Variants in KLRD1 observed in about 807,000 individuals in gnomAD.
KLRD1 encodes killer cell lectin like receptor D1.
KLRD1 carries 21 observed loss-of-function variants against 22.6 expected under a neutral mutation model. The observed-to-expected ratio is 0.93, with a 90% CI of 0.66 to 1.34. The LOEUF is 1.34. Ranked by LOEUF, KLRD1 falls within the 40% of genes most tolerant of loss-of-function variation. The probability of loss-of-function intolerance (pLI) is 0.00; values close to 1 mark genes in which losing one functional copy is unlikely to be tolerated. For synonymous variants in KLRD1, 59 were observed against 71.1 expected, an observed-to-expected ratio of 0.83 and a Z score of 0.85; for missense variants, 183 against 208.6, an observed-to-expected ratio of 0.88 and a Z score of 0.76.
At chr12:10,257,610 A>G (rs567866073) in intron 1 of KLRD1, among the ~76,000 whole-genome samples, 1 of 145,578 alleles carries the variant, frequency 6.9e-6, no homozygotes, top group African/African-American at 2.5e-5. Context: ...ATTTTGTTCT[A>G]TGTATCACCC....
chr12:10,278,143 T>C (rs1949608383), intron 1 of KLRD1, among the ~76,000 whole-genome samples: 1 of 152,192 alleles, frequency 6.6e-6, no homozygotes, highest in Non-Finnish European at 1.5e-5. Flanking sequence ...TTGCACAGGG[T>C]ATTGCCCCTA....
chr12:10,242,549 A>T (rs1949251410), intron 1 of KLRD1, among the ~76,000 whole-genome samples: 1 of 152,214 alleles, frequency 6.6e-6, no homozygotes, highest in Non-Finnish European at 1.5e-5. Context: ...GTTTGGATGT[A>T]TACCCAGAAG....
chr12:10,285,351 T>C (rs781536300), intron 1 of KLRD1, among the ~76,000 whole-genome samples: 1 of 152,244 alleles, frequency 6.6e-6, no homozygotes, highest in Non-Finnish European at 1.5e-5. Context: ...AAGTCACGTT[T>C]ATTCTAGAAA....
intron 1 of KLRD1, among the ~76,000 whole-genome samples, chr12:10,250,230 G>T (rs7972782): frequency 5.9e-5 from 6 of 102,032 alleles, no homozygotes; most frequent in South Asian, 2.9e-4. Context: ...TTTTTTTTAG[G>T]GGGGCTGTTA....
intron 1 of KLRD1, among the ~76,000 whole-genome samples, chr12:10,292,216 T>C (rs1189622740): frequency 6.6e-6 from 1 of 152,202 alleles, no homozygotes; most frequent in African/African-American, 2.4e-5. Flanking sequence ...TGGAATCAAC[T>C]TCTTCTAAAC....
upstream of KLRD1, among the ~76,000 whole-genome samples, chr12:10,302,362 A>T (rs747183711): frequency 3.5e-4 from 53 of 152,336 alleles, no homozygotes; most frequent in Middle Eastern, 3.4e-3. Flanking sequence ...AATTCAGGAT[A>T]TTGATGCAGG....
Position 10,286,662 on chromosome 12 carries a change from C to CTTTTTTTT in KLRD1, c.-100-21296_-100-21289dup, listed in dbSNP as rs747241701. On this transcript the variant is annotated intron_variant, in intron 1 of 5. Coordinates refer to the KLRD1 transcript ENST00000544747. Reference sequence around the variant, plus strand: ...TCATCATTTTATTTCGCTTATGGTGCTTTTTTTTTTTTTTTTTTTTTTTTT... The same window carrying CTTTTTTTT: ...TCATCATTTTATTTCGCTTATGGTGCTTTTTTTTTTTTTTTTTTTTTTTTTTTTTTTTT... 6.6e-4 allele frequency among the ~76,000 whole-genome samples: 36 copies of CTTTTTTTT among 54,808 alleles called. 8 individuals carry two copies. Among genetic ancestry groups the CTTTTTTTT allele is most frequent in the African/African-American group, 2.3e-3 (30 of 12,944 alleles). 36.0% of individuals were successfully genotyped at this position (54,808 alleles called of 152,430 possible).
intron 1 of KLRD1, among the ~76,000 whole-genome samples, chr12:10,284,151 A>G (rs1237520914): frequency 6.6e-6 from 1 of 152,050 alleles, no homozygotes; most frequent in African/African-American, 2.4e-5. Context: ...GCACCAGTGC[A>G]CTCCAGCCTG....
chr12:10,239,687 G>A (rs1949223721), intron 1 of KLRD1, among the ~76,000 whole-genome samples: 1 of 150,802 alleles, frequency 6.6e-6, no homozygotes, highest in South Asian at 2.1e-4. Flanking sequence ...TGTTGCCCAG[G>A]CTGGAGTGCA....
chr12:10,292,574 A>G (rs1253761198), intron 1 of KLRD1, among the ~76,000 whole-genome samples: 1 of 152,182 alleles, frequency 6.6e-6, no homozygotes, highest in African/African-American at 2.4e-5. Context: ...TGTCTCAACA[A>G]TGGGCTTAAA....
chr12:10,252,595 T>A (rs1204266564), intron 1 of KLRD1, among the ~76,000 whole-genome samples: 1 of 152,214 alleles, frequency 6.6e-6, no homozygotes, highest in African/African-American at 2.4e-5. Flanking sequence ...TTTGAATTCA[T>A]GATTGTATAG....
intron 1 of KLRD1, among the ~76,000 whole-genome samples, chr12:10,269,480 A>T (rs1388137852): frequency 6.6e-6 from 1 of 152,156 alleles, no homozygotes; most frequent in Non-Finnish European, 1.5e-5. Flanking sequence ...ATTATCAGCC[A>T]GGTATCTATT....
intron 1 of KLRD1, among the ~76,000 whole-genome samples, chr12:10,285,491 T>G (rs1453359768): frequency 2.0e-5 from 3 of 152,214 alleles, no homozygotes; most frequent in Non-Finnish European, 4.4e-5. Context: ...GACAAACCAT[T>G]CCTTTCTTTA....
At chr12:10,312,031 G>A (rs1009817587) in intron 4 of KLRD1, among the ~76,000 whole-genome samples, 1 of 149,306 alleles carries the variant, frequency 6.7e-6, no homozygotes, top group Non-Finnish European at 1.5e-5. Context: ...GTAAGAAAAC[G>A]TACCCAATTC....
chr12:10,314,588 T>A, intron 5 of KLRD1, 85 bp from the exon 6 acceptor site: 1 of 1,291,422 alleles, frequency 7.7e-7, no homozygotes, highest in Non-Finnish European at 1.0e-6. Context: ...CAAATGCTTT[T>A]AAAATTTATA....
Position 10,262,788 on chromosome 12 carries a change from TACAC to T in KLRD1, c.-101+36559_-101+36562del, listed in dbSNP as rs561865755. Among the ~76,000 whole-genome samples, 9 of 152,096 alleles carry T rather than the reference TACAC, an allele frequency of 5.9e-5. No homozygotes were observed. The East Asian group carries it at 1.3e-3, about 23-fold the overall frequency. ...AATAAAACAGATATCCAAAATTTCT[TACAC>T]ACAATTTATGCATTCATTGTTTTAA... On this transcript the variant is annotated intron_variant, in intron 1 of 5. Coordinates refer to the KLRD1 transcript ENST00000544747.
chr12:10,309,790 T>C (rs1950016340), intron 3 of KLRD1, 102 bp downstream of exon 3: 2 of 808,780 alleles, frequency 2.5e-6, no homozygotes, highest in Admixed American at 2.3e-5. Flanking sequence ...TACTTAGTAA[T>C]AGAAATTTGC....
At chr12:10,298,866 C>T (rs748465182) in intron 1 of KLRD1, among the ~76,000 whole-genome samples, 3 of 152,224 alleles carry the variant, frequency 2.0e-5, no homozygotes, top group Non-Finnish European at 2.9e-5. Flanking sequence ...GTTCGAGGCT[C>T]TCAGCTCTGA....
chr12:10,298,969 G>A (rs773614994), intron 1 of KLRD1, among the ~76,000 whole-genome samples: 8 of 152,158 alleles, frequency 5.3e-5, no homozygotes, highest in Non-Finnish European at 7.4e-5. Flanking sequence ...GGGTCTCCAC[G>A]ACTGAGCTGG....
Sources: allele counts gnomAD v4.1 joint callset (sites outside exome capture counted in the v4.1 genomes callset), GRCh38; gene constraint gnomAD v4.1.1; transcripts MANE v1.5; gene names NCBI Gene and HGNC (gene_info 2026-07-23, HGNC 2026-07-21).